GLRA2: variants seen among roughly 807,000 people sequenced by gnomAD.
GLRA2 encodes the protein glycine receptor subunit alpha-2.
A neutral mutation model predicts 31.6 loss-of-function variants in GLRA2; 11 were observed. The ratio of observed to expected loss-of-function variants is 0.35; its 90% CI spans 0.22 to 0.58. GLRA2 has a LOEUF of 0.58. Ranked by LOEUF, GLRA2 falls within the 20% of genes least tolerant of loss-of-function variation. The pLI is 0.84. For missense variants in GLRA2, 212 were observed against 351.8 expected, an observed-to-expected ratio of 0.60 and a Z score of 3.18; for synonymous variants, 132 against 134.0, an observed-to-expected ratio of 0.99 and a Z score of 0.10.
At chrX:14,488,109 A>G in the GLRA2 span, among the ~76,000 whole-genome samples, 1 of 111,648 alleles carries the variant, frequency 9.0e-6, no homozygotes, top group Non-Finnish European at 1.9e-5. Context: ...TCTTGAGTCT[A>G]AGCCATGGAT....
the GLRA2 span, among the ~76,000 whole-genome samples, chrX:14,477,617 C>T: frequency 3.6e-5 from 4 of 111,550 alleles, no homozygotes; most frequent in South Asian, 1.1e-3. Flanking sequence ...CAACTTGTGT[C>T]CTTTTGGGCT....
At chrX:14,573,345 C>T (rs999293537) in intron 2 of GLRA2, among the ~76,000 whole-genome samples, 4 of 111,906 alleles carry the variant, frequency 3.6e-5, no homozygotes, top group Admixed American at 1.9e-4. Flanking sequence ...AGCCAAATTC[C>T]TCTTCTTTCA....
At chrX:14,500,645 G>A in the GLRA2 span, among the ~76,000 whole-genome samples, 1 of 112,066 alleles carries the variant, frequency 8.9e-6, no homozygotes, top group Non-Finnish European at 1.9e-5. Context: ...TGGAAACCAT[G>A]GGTCAGGGAA....
At chrX:14,578,597 T>C (rs1314392704) in intron 3 of GLRA2, among the ~76,000 whole-genome samples, 1 of 112,039 alleles carries the variant, frequency 8.9e-6, no homozygotes, top group African/African-American at 3.2e-5. Flanking sequence ...AATGATAAGA[T>C]AGGTTATATT....
At chrX:14,484,852 C>T in the GLRA2 span, among the ~76,000 whole-genome samples, 7 of 111,594 alleles carry the variant, frequency 6.3e-5, no homozygotes, top group African/African-American at 2.0e-4. Context: ...GTTTATTGGT[C>T]GACAGCAGCA....
intron 7 of GLRA2, among the ~76,000 whole-genome samples, chrX:14,611,608 T>A (rs1444168072): frequency 1.8e-5 from 2 of 112,495 alleles, no homozygotes; most frequent in African/African-American, 6.4e-5. Context: ...ATATATATAG[T>A]TTTTAATTTT....
At chrX:14,505,679 C>T in the GLRA2 span, among the ~76,000 whole-genome samples, 6 of 111,801 alleles carry the variant, frequency 5.4e-5, no homozygotes, top group African/African-American at 2.0e-4. Flanking sequence ...GGGATTAGGG[C>T]AATGACTTTA....
At chrX:14,594,344 C>T (rs940882653) in intron 4 of GLRA2, among the ~76,000 whole-genome samples, 6 of 111,146 alleles carry the variant, frequency 5.4e-5, no homozygotes, top group African/African-American at 2.0e-4. Flanking sequence ...ACCTCAGTGC[C>T]ACGATTAAAT....
the GLRA2 span, among the ~76,000 whole-genome samples, chrX:14,492,279 G>C: frequency 9.0e-6 from 1 of 111,093 alleles, no homozygotes; most frequent in Admixed American, 9.6e-5. Flanking sequence ...AGGACATGAG[G>C]TTTCCTTGAG....
At chrX:14,522,969 G>A in the GLRA2 span, among the ~76,000 whole-genome samples, 1 of 111,611 alleles carries the variant, frequency 9.0e-6, no homozygotes, top group African/African-American at 3.3e-5. Context: ...ACCTCCTAAC[G>A]AAAGAGTCAA....
intron 7 of GLRA2, among the ~76,000 whole-genome samples, chrX:14,622,925 T>C (rs145643710): frequency 0.23 from 25,223 of 111,167 alleles, 2,133 homozygotes; most frequent in Middle Eastern, 0.26. Flanking sequence ...ATTGAATCTA[T>C]AAATTACCTT....
At chrX:14,568,023 G>A (rs1031503072) in intron 2 of GLRA2, among the ~76,000 whole-genome samples, 1 of 111,945 alleles carries the variant, frequency 8.9e-6, no homozygotes, top group Admixed American at 9.5e-5. Flanking sequence ...TGAGTAGGAA[G>A]ACAATATATT....
intron 2 of GLRA2, among the ~76,000 whole-genome samples, chrX:14,540,614 A>T (rs888327347): frequency 3.6e-5 from 4 of 110,890 alleles, no homozygotes; most frequent in African/African-American, 1.3e-4. Flanking sequence ...GAGCAAACTC[A>T]CCCCTTACCA....
At chrX:14,646,488 C>T (rs2090833891) in intron 7 of GLRA2, among the ~76,000 whole-genome samples, 1 of 112,308 alleles carries the variant, frequency 8.9e-6, no homozygotes, top group Admixed American at 9.4e-5. Context: ...CAGTAACTTG[C>T]TATCTTCAGA....
chrX:14,655,340 G>A (rs925432433), intron 7 of GLRA2, among the ~76,000 whole-genome samples: 4 of 111,278 alleles, frequency 3.6e-5, no homozygotes, highest in African/African-American at 6.5e-5. Flanking sequence ...GGAGCACAGA[G>A]CTGGGTGTCT....
the GLRA2 span, among the ~76,000 whole-genome samples, chrX:14,461,143 T>C: frequency 8.9e-6 from 1 of 112,456 alleles, no homozygotes; most frequent in Non-Finnish European, 1.9e-5. Flanking sequence ...GAGCAGGTTG[T>C]TCAGTTTCCA....
At chrX:14,587,592 G>C (rs781406288) in intron 4 of GLRA2, among the ~76,000 whole-genome samples, 2 of 112,024 alleles carry the variant, frequency 1.8e-5, no homozygotes, top group Non-Finnish European at 3.8e-5. Flanking sequence ...GTCTTCTTTT[G>C]AGAAGTGTCT....
the GLRA2 span, among the ~76,000 whole-genome samples, chrX:14,478,307 T>C: frequency 9.0e-6 from 1 of 111,670 alleles, no homozygotes; most frequent in Admixed American, 9.5e-5. Flanking sequence ...CCATTTCTGT[T>C]GTGTGCAGCC....
intron 7 of GLRA2, among the ~76,000 whole-genome samples, chrX:14,682,090 A>T (rs991290346): frequency 4.8e-5 from 5 of 104,414 alleles, no homozygotes; most frequent in Non-Finnish European, 9.8e-5. Context: ...GCTAAGAAGG[A>T]ACAGATAAGT....
Sources: allele counts gnomAD v4.1 joint callset (sites outside exome capture counted in the v4.1 genomes callset), GRCh38; gene constraint gnomAD v4.1.1; transcripts MANE v1.5; gene names NCBI Gene and HGNC (gene_info 2026-07-23, HGNC 2026-07-21).